The following BRF2 variants were observed in gnomAD, a reference collection of about 807,000 sequenced individuals.
BRF2 encodes BRF2 general transcription factor IIIB subunit.
BRF2 carries 17 observed loss-of-function variants against 26.6 expected under a neutral mutation model. The ratio of observed to expected loss-of-function variants is 0.64; its 90% CI spans 0.44 to 0.96. BRF2 has a LOEUF of 0.96. Ranked by LOEUF, BRF2 falls within the 40% of genes least tolerant of loss-of-function variation. The probability of loss-of-function intolerance (pLI) is 0.00; values close to 1 mark genes in which losing one functional copy is unlikely to be tolerated. For synonymous variants in BRF2, 219 were observed against 226.6 expected, an observed-to-expected ratio of 0.97 and a Z score of 0.30; for missense variants, 515 against 537.0, an observed-to-expected ratio of 0.96 and a Z score of 0.40.
chr8:37,844,261 G>T lies in BRF2; in HGVS notation c.*229C>A. 1 of 563,430 alleles carries T rather than the reference G, an allele frequency of 1.8e-6. No individual in the cohort carries two copies. Among genetic ancestry groups the T allele is most frequent in the Non-Finnish European group, 3.2e-6 (1 of 314,060 alleles). 34.9% of individuals were successfully genotyped at this position (563,430 alleles called of 1,614,324 possible). A position where few individuals can be genotyped will look rare whatever the true frequency, so the allele number is the denominator to read the frequency against. On this transcript the variant is annotated 3_prime_UTR_variant, in exon 4 of 4. Transcript: ENST00000220659. ...AGCCATCTCACAGAACATGGACATA[G>T]GCAACTTGCTCTCCCACACCAAGGG...
At chr8:37,846,151 C>T (rs1805952441) in intron 3 of BRF2, among the ~76,000 whole-genome samples, 1 of 151,976 alleles carries the variant, frequency 6.6e-6, no homozygotes, top group Admixed American at 6.6e-5. Context: ...GAGTTCAAGA[C>T]CAGCCTGGGC....
rs773493016 is a variant in BRF2 at position 37,845,196 on chromosome 8, G to A, written c.554C>T (p.Ala185Val). The A allele has an allele frequency of 7.5e-6, 12 of 1,610,340 alleles. No individual in the cohort carries two copies. Among genetic ancestry groups the A allele is most frequent in the Non-Finnish European group, 1.0e-5 (12 of 1,177,436 alleles). Residue 185 changes from alanine (A) to valine (V), a missense_variant, in exon 4 of 4, where the codon GCT becomes GTT. Coordinates refer to ENST00000220659, the MANE Select transcript of BRF2 (RefSeq NM_018310.4). ...GTATTTGGCTGGCACAGAAGGTGAA[G>A]CTTGGAACAGTTTGAAGCTGAAATA... ...TYCSSFKLFQ[A>V]SPSVPAKYVE... is the part of the protein sequence containing the mutation.
intron 2 of BRF2, chr8:37,847,419 C>A (rs1805982880): frequency 1.6e-6 from 1 of 624,334 alleles, no homozygotes. Flanking sequence ...GATTCAGGGC[C>A]AAGCCCAAGT....
intron 3 of BRF2, among the ~76,000 whole-genome samples, chr8:37,846,570 C>T (rs1025647617): frequency 1.6e-4 from 25 of 152,060 alleles, no homozygotes; most frequent in Admixed American, 3.3e-4. Flanking sequence ...GCCTGGTCAA[C>T]ATGGTGAAAC....
Position 37,849,828 on chromosome 8 carries a change from G to A in BRF2, c.-45C>T, listed in dbSNP as rs561618269. ...CCGCGGAAGCCTTCAGAGACTCCTG[G>A]GTCTGCAACAGCAACCGTGAGGCAG... is the stretch of plus-strand genomic sequence containing the variant. On this transcript the variant is annotated 5_prime_UTR_variant, in exon 1 of 4. Coordinates refer to ENST00000220659, the MANE Select transcript of BRF2 (RefSeq NM_018310.4). The A allele has an allele frequency of 1.3e-6, 2 of 1,551,310 alleles. No individual in the cohort carries two copies. Among genetic ancestry groups the A allele is most frequent in the Admixed American group, 1.9e-5 (1 of 51,878 alleles).
At chr8:37,847,908 G>C (rs999247286) in intron 2 of BRF2, among the ~76,000 whole-genome samples, 2 of 151,118 alleles carry the variant, frequency 1.3e-5, no homozygotes, top group Non-Finnish European at 2.9e-5. Context: ...AGCTGGGCTA[G>C]GCCACCAGGA....
Position 37,846,914 on chromosome 8 carries a change from A to C in BRF2, c.476T>G (p.Leu159Arg). ...FSSTYMQIVKLLGLDVPSLCL... is the reference protein window; with the variant it reads ...FSSTYMQIVKRLGLDVPSLCL... Reference sequence around the variant, plus strand: ...CAGAGATGGCACATCCAGTCCCAGGAGCTTCACTATCTGCATGTAAGTGCT... The same window carrying C: ...CAGAGATGGCACATCCAGTCCCAGGCGCTTCACTATCTGCATGTAAGTGCT... Residue 159 changes from leucine to arginine, a missense_variant, in exon 3 of 4, where the codon CTC (leucine) becomes CGC (arginine). Physicochemically the swap from Leu to Arg is moderately radical, Grantham distance 102 (BLOSUM62 -2). Coordinates refer to ENST00000220659, the MANE Select transcript of BRF2 (RefSeq NM_018310.4). 8 of 1,614,130 alleles carry C rather than the reference A, an allele frequency of 5.0e-6. No individual in the cohort carries two copies. Among genetic ancestry groups the C allele is most frequent in the Non-Finnish European group, 6.8e-6 (8 of 1,179,980 alleles).
At chr8:37,846,207 G>C (rs1446561012) in intron 3 of BRF2, among the ~76,000 whole-genome samples, 4 of 151,844 alleles carry the variant, frequency 2.6e-5, no homozygotes, top group Non-Finnish European at 5.9e-5. Context: ...AATTAGCCAG[G>C]CATGGTGGCA....
chr8:37,844,638 G>C lies in BRF2; in HGVS notation c.1112C>G (p.Pro371Arg), dbSNP rs774160634. 1 of 1,614,150 alleles carries C rather than the reference G, an allele frequency of 6.2e-7. No individual in the cohort carries two copies. Among genetic ancestry groups the C allele is most frequent in the Non-Finnish European group, 8.5e-7 (1 of 1,180,036 alleles). Residue 371 changes from proline (P) to arginine (R), a missense_variant, in exon 4 of 4, where the codon CCT becomes CGT. Physicochemically the swap from Pro to Arg is moderately radical, Grantham distance 103. Coordinates refer to ENST00000220659, the MANE Select transcript of BRF2 (RefSeq NM_018310.4). ...AGTGACAGTGGAGACAGGGGGTACAGGGCAGATCCGCTTCGGGGACTTCAA... is the reference window on the plus strand; with the variant it reads ...AGTGACAGTGGAGACAGGGGGTACACGGCAGATCCGCTTCGGGGACTTCAA... ...CMLKSPKRIC[P>R]VPPVSTVTGD...
chr8:37,846,185 C>T (rs1348239227), intron 3 of BRF2, among the ~76,000 whole-genome samples: 1 of 151,696 alleles, frequency 6.6e-6, no homozygotes, highest in Non-Finnish European at 1.5e-5. Context: ...CCCATCTCTA[C>T]TAAAAACAAA....
At chr8:37,845,323 C>T (rs959639069) in intron 3 of BRF2, 110 bp from the exon 4 acceptor site, 40 of 823,234 alleles carry the variant, frequency 4.9e-5, no homozygotes, top group Non-Finnish European at 7.1e-5. Context: ...CTCAGGAATA[C>T]TCAAGCTCAC....
chr8:37,845,005 G>A lies in BRF2; in HGVS notation c.745C>T (p.Arg249Ter), dbSNP rs562920078. The part of the protein sequence containing the change: ...PADRLSCSLA[R>*]FCKLANVDLP... The stretch of plus-strand genomic sequence containing the variant: ...TCCACATTTGCCAATTTACAAAATC[G>A]GGCAAGGGAACATGAAAGCCGATCT... Residue 249 changes from arginine (R) to a stop codon, truncating the protein, a stop_gained, in exon 4 of 4, where the codon CGA (arginine) becomes TGA (stop). Coordinates refer to ENST00000220659, the MANE Select transcript of BRF2 (RefSeq NM_018310.4). LOFTEE classifies it low-confidence loss of function (END_TRUNC). 5.6e-6 allele frequency: 9 copies of A among 1,613,934 alleles called. No individual in the cohort carries two copies. The highest frequency in any genetic ancestry group is 4.0e-5 in the African/African-American group (3 of 75,042).
chr8:37,848,445 C>T (rs761454621), intron 2 of BRF2, 151 bp downstream of exon 2: 291 of 690,816 alleles, frequency 4.2e-4, no homozygotes, highest in Non-Finnish European at 5.8e-4. Flanking sequence ...CGGGGTTTCG[C>T]TATGTTTGCC....
Position 37,845,135 on chromosome 8 carries a change from C to A in BRF2, c.615G>T (p.Met205Ile). ...EDKEKMLSRT[M>I]QLVELANETW... is the part of the protein sequence containing the mutation. ...TCTCATTTGCCAGCTCCACCAACTG[C>A]ATTGTTCGAGACAGCATCTTCTCTT... The change falls in exon 4 of 4, where the codon ATG (methionine) becomes ATT (isoleucine). Residue 205 changes from methionine (M) to isoleucine (I), a missense_variant. By Grantham distance (10) the Met-to-Ile change is conservative. Transcript: ENST00000220659. The A allele has an allele frequency of 6.2e-7, 1 of 1,613,702 alleles. No homozygotes were observed. The highest frequency in any genetic ancestry group is 8.5e-7 in the Non-Finnish European group (1 of 1,179,900).
rs147187546 is a variant in BRF2, at chr8:37,849,741, G to A, written c.43C>T (p.Leu15=). The part of the protein sequence containing the change: ...GRCPDCGSTE[L]VEDSHYSQSQ... Reference sequence around the variant, plus strand: ...TGCGAATAGTGCGAGTCTTCCACCAGCTCCGTGGAGCCGCAGTCCGGGCAG... The same window carrying A: ...TGCGAATAGTGCGAGTCTTCCACCAACTCCGTGGAGCCGCAGTCCGGGCAG... Residue 15 remains leucine (L), a synonymous_variant, in exon 1 of 4, where the codon CTG becomes TTG. Transcript: ENST00000220659. 25 of 1,613,008 alleles carry A rather than the reference G, an allele frequency of 1.5e-5. No individual in the cohort carries two copies. The African/African-American group carries it at 2.7e-4, about 17-fold the overall frequency.
chr8:37,844,296 T>C lies in BRF2; in HGVS notation c.*194A>G. ...TCTCCCACACCAAGGGATGGGAATC[T>C]CTCCTACCTATAGTCATCCCTGCAC... is the stretch of plus-strand genomic sequence containing the variant. On this transcript the variant is annotated 3_prime_UTR_variant, in exon 4 of 4. Transcript: ENST00000220659. The C allele has an allele frequency of 4.8e-6, 3 of 628,848 alleles. No individual in the cohort carries two copies. Among genetic ancestry groups the C allele is most frequent in the Non-Finnish European group, 8.3e-6 (3 of 361,784 alleles). The allele number at this position is 628,848 out of a possible 1,614,324, so 39.0% of individuals were successfully genotyped here.
chr8:37,847,149 G>C lies in BRF2; in HGVS notation c.241C>G (p.Arg81Gly), dbSNP rs145660782. 1 of 1,613,940 alleles carries C rather than the reference G, an allele frequency of 6.2e-7. No individual in the cohort carries two copies. The highest frequency in any genetic ancestry group is 8.5e-7 in the Non-Finnish European group (1 of 1,179,830). The change falls in exon 3 of 4, where the codon CGA (arginine) becomes GGA (glycine). Residue 81 changes from arginine to glycine, a missense_variant. Coordinates refer to ENST00000220659, the MANE Select transcript of BRF2 (RefSeq NM_018310.4). ...AATGTTGGTGGCAACTGCAGAACTC[G>C]ACAAAGGTCTCTCACTCGCCGGAGA... ...RGLRRVRDLC[R>G]VLQLPPTFED...
At chr8:37,848,012 C>A (rs978901804) in intron 2 of BRF2, among the ~76,000 whole-genome samples, 1 of 151,278 alleles carries the variant, frequency 6.6e-6, no homozygotes, top group Admixed American at 6.6e-5. Context: ...TGCTGTGGTG[C>A]GATCTCGGCT....
At position 37,845,207 on chromosome 8, in the gene BRF2, T is replaced by C. The variant is rs766475270; in HGVS notation, c.543A>G (p.Lys181=). ...ELVKTYCSSF[K]LFQASPSVPA... ...GCACAGAAGGTGAAGCTTGGAACAG[T>C]TTGAAGCTGAAATAACCAAAATGAG... The change falls in exon 4 of 4, where the codon AAA becomes AAG. Residue 181 remains lysine, a synonymous_variant. Transcript: ENST00000220659. 2.1e-5 allele frequency: 33 copies of C among 1,607,694 alleles called. No homozygotes were observed. The Admixed American group carries it at 3.2e-4, about 15-fold the overall frequency.
Sources: allele counts gnomAD v4.1 joint callset (sites outside exome capture counted in the v4.1 genomes callset), GRCh38; gene constraint gnomAD v4.1.1; transcripts MANE v1.5; gene names NCBI Gene and HGNC (gene_info 2026-07-23, HGNC 2026-07-21).